The following ADAMTS3 variants were observed in gnomAD, a reference collection of about 807,000 sequenced individuals.
The protein encoded by ADAMTS3 is ADAM metallopeptidase with thrombospondin type 1 motif 3, also known as A disintegrin and metalloproteinase with thrombospondin motifs 3.
ADAMTS3 carries 73 observed loss-of-function variants against 129.0 expected under a neutral mutation model. The ratio of observed to expected loss-of-function variants is 0.57; its 90% confidence interval spans 0.47 to 0.69. The LOEUF (loss-of-function observed/expected upper bound fraction) is 0.69. ADAMTS3 is among the 30% of genes least tolerant of loss of function. The probability of loss-of-function intolerance (pLI) is 0.00; values close to 1 mark genes in which losing one functional copy is unlikely to be tolerated. For missense variants in ADAMTS3, 1,457 were observed against 1,514.5 expected (o/e 0.96, Z 0.63); for synonymous variants, 477 against 510.8 (o/e 0.93, Z 0.89).
chr4:72,536,399 T>C (rs1369536102), intron 3 of ADAMTS3, among the ~76,000 whole-genome samples: 2 of 152,236 alleles, frequency 1.3e-5, no homozygotes, highest in Non-Finnish European at 2.9e-5. Flanking sequence ...TTCCACAAAC[T>C]GGCTCACAGG....
intron 19 of ADAMTS3, 40 bp from the exon 20 acceptor site, chr4:72,291,102 ATGTATAG>A (rs1392273046): frequency 1.9e-6 from 3 of 1,605,528 alleles, no homozygotes; most frequent in Non-Finnish European, 2.6e-6. Context: ...TATCACTGGT[ATGTATAG>A]TGTACACATT....
chr4:72,318,960 T>G (rs531671229), intron 9 of ADAMTS3, among the ~76,000 whole-genome samples: 32 of 152,174 alleles, frequency 2.1e-4, no homozygotes, highest in Non-Finnish European at 3.8e-4. Context: ...AGTCACTAAT[T>G]AAACCACCAC....
At chr4:72,492,885 T>C (rs1302520029) in intron 3 of ADAMTS3, among the ~76,000 whole-genome samples, 2 of 151,916 alleles carry the variant, frequency 1.3e-5, no homozygotes, top group African/African-American at 4.8e-5. Context: ...TAAAACATTA[T>C]CTAAATATTT....
At chr4:72,386,115 T>C (rs1036804115) in intron 4 of ADAMTS3, among the ~76,000 whole-genome samples, 1 of 152,168 alleles carries the variant, frequency 6.6e-6, no homozygotes, top group African/African-American at 2.4e-5. Context: ...TAAGTTTTCA[T>C]ACTGAATTTC....
intron 20 of ADAMTS3, 55 bp from the exon 21 acceptor site, chr4:72,288,923 T>TACATAC (rs977045106): frequency 7.3e-5 from 33 of 452,750 alleles, no homozygotes; most frequent in African/African-American, 6.7e-4. Flanking sequence ...ACCATGCACA[T>TACATAC]ACACACACAC....
intron 3 of ADAMTS3, among the ~76,000 whole-genome samples, chr4:72,518,385 G>C (rs1720556598): frequency 6.6e-6 from 1 of 152,028 alleles, no homozygotes; most frequent in Admixed American, 6.5e-5. Flanking sequence ...CAATTCCTGG[G>C]TATCCTTCTT....
In ADAMTS3 at chr4:72,298,449, T is replaced by C. The variant is rs1718865287; in HGVS notation, c.2425-7A>G. On this transcript the variant is annotated splice_region_variant and splice_polypyrimidine_tract_variant and intron_variant, in intron 17 of 21. Coordinates refer to ENST00000286657, the MANE Select transcript of ADAMTS3 (RefSeq NM_014243.3). The stretch of plus-strand genomic sequence containing the variant: ...CATTTTCTTGAGGTATAATCTAACA[T>C]ACACATGAAATCAATATGTAAATCA... 1.3e-6 allele frequency: 2 copies of C among 1,579,558 alleles called. No homozygotes were observed. The highest frequency in any genetic ancestry group is 1.7e-6 in the Non-Finnish European group (2 of 1,158,520).
chr4:72,426,592 A>G (rs1215871398), intron 3 of ADAMTS3, among the ~76,000 whole-genome samples: 1 of 152,182 alleles, frequency 6.6e-6, no homozygotes, highest in African/African-American at 2.4e-5. Flanking sequence ...ATATAACAAT[A>G]AAAAACTAAA....
chr4:72,489,875 T>C (rs190837647), intron 3 of ADAMTS3, among the ~76,000 whole-genome samples: 1 of 151,984 alleles, frequency 6.6e-6, no homozygotes, highest in East Asian at 1.9e-4. Flanking sequence ...AGTTGCTGTA[T>C]ATATACCCAA....
At chr4:72,328,265 T>C (rs1406939715) in intron 5 of ADAMTS3, among the ~76,000 whole-genome samples, 3 of 152,172 alleles carry the variant, frequency 2.0e-5, no homozygotes, top group African/African-American at 2.4e-5. Context: ...AGTTTGTCAA[T>C]GATGTGAGGG....
chr4:72,329,638 G>A (rs1250386177), intron 5 of ADAMTS3, among the ~76,000 whole-genome samples: 2 of 151,820 alleles, frequency 1.3e-5, no homozygotes, highest in Non-Finnish European at 2.9e-5. Flanking sequence ...CATGATGGAA[G>A]CCCTGAGTCT....
chr4:72,346,583 AAC>A (rs1304113280), intron 4 of ADAMTS3, among the ~76,000 whole-genome samples: 1 of 152,078 alleles, frequency 6.6e-6, no homozygotes, highest in Non-Finnish European at 1.5e-5. Context: ...TTATTGCTGA[AAC>A]ATTTGGGTGT....
rs1274507854 is a variant in ADAMTS3, at chr4:72,317,637, T to C, written c.1485+935A>G. On this transcript the variant is annotated intron_variant, in intron 10 of 21. Transcript: ENST00000286657. ...TTAATTATATTATCAAATTTAATCCTCACACCAATCTTATCAGATACATAC... is the reference window on the plus strand; with the variant it reads ...TTAATTATATTATCAAATTTAATCCCCACACCAATCTTATCAGATACATAC... Among the ~76,000 whole-genome samples, 3 of 152,128 alleles carry C rather than the reference T, an allele frequency of 2.0e-5. No homozygotes were observed. In the East Asian group the frequency reaches 5.8e-4, roughly 29 times the overall value.
chr4:72,412,489 A>C (rs1722207124), intron 4 of ADAMTS3, among the ~76,000 whole-genome samples: 1 of 152,028 alleles, frequency 6.6e-6, no homozygotes. Flanking sequence ...CCAAGAAGTT[A>C]AAGGAAGAAT....
At chr4:72,353,151 C>T (rs1286268670) in intron 4 of ADAMTS3, among the ~76,000 whole-genome samples, 2 of 151,932 alleles carry the variant, frequency 1.3e-5, no homozygotes, top group African/African-American at 4.8e-5. Context: ...TTTTTGTGTA[C>T]TTGTATTCAA....
chr4:72,408,015 G>C (rs1722093511), intron 4 of ADAMTS3, among the ~76,000 whole-genome samples: 2 of 151,996 alleles, frequency 1.3e-5, no homozygotes, highest in African/African-American at 4.8e-5. Flanking sequence ...AGACCAGACA[G>C]GTTACAGTTG....
rs114965525 is a variant in ADAMTS3 at position 72,543,029 on chromosome 4, A to G, written c.504+5449T>C. Among the ~76,000 whole-genome samples the G allele has an allele frequency of 5.5e-3, 844 of 152,300 alleles. 12 individuals are homozygous for G. The highest frequency in any genetic ancestry group is 0.019 in the African/African-American group (808 of 41,554). On this transcript the variant is annotated intron_variant, in intron 3 of 21. Transcript: ENST00000286657. ...ATTAAAATACTTTCTCAATTTCAAA[A>G]TAGGATTTGCAGTATAAATAAGCAA...
At chr4:72,448,536 A>G (rs1344319780) in intron 3 of ADAMTS3, among the ~76,000 whole-genome samples, 1 of 151,788 alleles carries the variant, frequency 6.6e-6, no homozygotes. Context: ...CAAAGCTCAT[A>G]TATGAGAGAA....
At chr4:72,559,832 T>TA (rs1721857586) in intron 2 of ADAMTS3, among the ~76,000 whole-genome samples, 2 of 151,642 alleles carry the variant, frequency 1.3e-5, no homozygotes, top group Non-Finnish European at 2.9e-5. Context: ...CACAGAATTT[T>TA]TAAAAAACTA....
Sources: allele counts gnomAD v4.1 joint callset (sites outside exome capture counted in the v4.1 genomes callset), GRCh38; gene constraint gnomAD v4.1.1; transcripts MANE v1.5; gene names NCBI Gene and HGNC (gene_info 2026-07-23, HGNC 2026-07-21).